Variants in YARS1 observed in about 807,000 individuals in gnomAD.
YARS1 encodes tyrosine--tRNA ligase, cytoplasmic.
In YARS1, 36 loss-of-function variants were observed where a neutral mutation model predicts 62.2. The ratio of observed to expected loss-of-function variants is 0.58; its 90% CI spans 0.44 to 0.76. The LOEUF (loss-of-function observed/expected upper bound fraction) is 0.76, where lower values mean the gene tolerates loss of function less well. YARS1 is among the 30% of genes least tolerant of loss of function. The pLI, the probability that YARS1 is intolerant of heterozygous loss-of-function variation, is 0.00. For synonymous variants in YARS1, 234 were observed against 244.9 expected, an observed-to-expected ratio of 0.96 and a Z score of 0.42; for missense variants, 524 against 639.8, an observed-to-expected ratio of 0.82 and a Z score of 1.95.
At chr1:32,803,052 G>A (rs550071988) in intron 4 of YARS1, among the ~76,000 whole-genome samples, 9 of 148,130 alleles carry the variant, frequency 6.1e-5, no homozygotes, top group Non-Finnish European at 1.0e-4. Context: ...GTGCGATCTC[G>A]GCTTACTGCA....
At chr1:32,802,675 A>T (rs1638329083) in intron 4 of YARS1, among the ~76,000 whole-genome samples, 1 of 152,200 alleles carries the variant, frequency 6.6e-6, no homozygotes, top group Non-Finnish European at 1.5e-5. Flanking sequence ...AATGAGCAGT[A>T]ATGTTTTGAA....
In YARS1 at chr1:32,778,562, G is replaced by A. The variant is rs866213127; in HGVS notation, c.1476+820C>T. 2.7e-5 allele frequency among the ~76,000 whole-genome samples: 4 copies of A among 150,608 alleles called. No individual in the cohort carries two copies. In the South Asian group the frequency reaches 6.3e-4, roughly 24 times the overall value. The stretch of plus-strand genomic sequence containing the variant: ...GCTGGGACTACAGGTGTCTGCCACC[G>A]CGCCCGGCCGATTTTTTTCTATTTT... On this transcript the variant is annotated intron_variant, in intron 12 of 12. Coordinates refer to ENST00000373477, the MANE Select transcript of YARS1 (RefSeq NM_003680.4).
chr1:32,787,779 G>T (rs1003540656), intron 6 of YARS1, among the ~76,000 whole-genome samples: 1 of 152,192 alleles, frequency 6.6e-6, no homozygotes, highest in East Asian at 1.9e-4. Context: ...CTCTCAAAGT[G>T]CTGGGATTAC....
At chr1:32,796,952 C>T (rs1184912764) in intron 5 of YARS1, among the ~76,000 whole-genome samples, 2 of 63,182 alleles carry the variant, frequency 3.2e-5, no homozygotes, top group Non-Finnish European at 5.7e-5. Flanking sequence ...GTGACAATAG[C>T]GAAACTCAGT....
chr1:32,813,507 A>G (rs1241482524), intron 1 of YARS1, among the ~76,000 whole-genome samples: 2 of 152,156 alleles, frequency 1.3e-5, no homozygotes, highest in Non-Finnish European at 1.5e-5. Flanking sequence ...TTTAGTAGAG[A>G]TGGGGTTTCA....
chr1:32,779,606 C>T lies in YARS1; in HGVS notation c.1335-83G>A, dbSNP rs1652989131. ...GAGGCCAAAGCAATCCGGGCCTTTA[C>T]ACAGGGGCCCTGATGGGATTTAGGG... On this transcript the variant is annotated intron_variant, in intron 11 of 12. Transcript: ENST00000373477. 61 of 1,581,466 alleles carry T rather than the reference C, an allele frequency of 3.9e-5. 1 individual carries two copies. In the South Asian group the frequency reaches 6.7e-4, roughly 17 times the overall value.
chr1:32,801,368 A>C (rs1638288965), intron 4 of YARS1, among the ~76,000 whole-genome samples: 1 of 152,212 alleles, frequency 6.6e-6, no homozygotes, highest in Non-Finnish European at 1.5e-5. Flanking sequence ...ACTATACCGT[A>C]GTCTATTTAA....
chr1:32,812,373 GACAAA>G lies in YARS1; in HGVS notation c.58-1321_58-1317del, dbSNP rs1569780847. Among the ~76,000 whole-genome samples the G allele has an allele frequency of 2.6e-5, 4 of 152,306 alleles. No individual in the cohort carries two copies. The East Asian group carries it at 7.7e-4, about 29-fold the overall frequency. On this transcript the variant is annotated intron_variant, in intron 1 of 12. Coordinates refer to ENST00000373477, the MANE Select transcript of YARS1 (RefSeq NM_003680.4). ...ACATTAAAACACAGATAGTAAGACT[GACAAA>G]ACAAACTCTCTGTAGCAATAAGATA...
intron 12 of YARS1, among the ~76,000 whole-genome samples, chr1:32,778,572 G>A (rs945506817): frequency 1.9e-4 from 29 of 150,308 alleles, no homozygotes; most frequent in African/African-American, 6.4e-4. Flanking sequence ...GCGCCCGGCC[G>A]ATTTTTTTCT....
At chr1:32,804,594 C>A (rs1028929535) in intron 4 of YARS1, among the ~76,000 whole-genome samples, 1 of 142,848 alleles carries the variant, frequency 7.0e-6, no homozygotes, top group Non-Finnish European at 1.5e-5. Flanking sequence ...GTTCCCAGAC[C>A]GGGTCGCGGC....
chr1:32,786,251 C>T, intron 8 of YARS1, 111 bp downstream of exon 8: 1 of 1,071,522 alleles, frequency 9.3e-7, no homozygotes, highest in Non-Finnish European at 1.4e-6. Flanking sequence ...GCAAAAATAG[C>T]AGGCAGCTCA....
Position 32,775,886 on chromosome 1 carries a change from G to GCTTACCA in YARS1, c.*94_*95insTGGTAAG. Reference sequence around the variant, plus strand: ...AAGAGTCCAAACCCGCTGCTTCCGTGTCCTGAGAGATGGGTAAATGGGTGA... The same window carrying GCTTACCA: ...AAGAGTCCAAACCCGCTGCTTCCGTGCTTACCATCCTGAGAGATGGGTAAATGGGTGA... On this transcript the variant is annotated 3_prime_UTR_variant, in exon 13 of 13. Coordinates refer to ENST00000373477, the MANE Select transcript of YARS1 (RefSeq NM_003680.4). 8.4e-7 allele frequency: 1 copy of GCTTACCA among 1,185,402 alleles called. No individual in the cohort carries two copies. The highest frequency in any genetic ancestry group is 2.4e-5 in the East Asian group (1 of 41,802). The allele number at this position is 1,185,402 out of a possible 1,614,324, so 73.4% of individuals were successfully genotyped here.
At chr1:32,790,056 G>A (rs1410877120) in intron 6 of YARS1, among the ~76,000 whole-genome samples, 2 of 143,150 alleles carry the variant, frequency 1.4e-5, no homozygotes, top group Non-Finnish European at 3.0e-5. Context: ...GCTAATTTTT[G>A]TACTTTTAGT....
At chr1:32,806,709 T>A (rs564422320) in intron 3 of YARS1, 98 bp from the exon 4 acceptor site, 8 of 1,488,198 alleles carry the variant, frequency 5.4e-6, no homozygotes, top group Admixed American at 3.5e-5. Flanking sequence ...CTAACCTTAG[T>A]GTAACCAGGG....
chr1:32,787,113 G>C (rs1653255161), intron 6 of YARS1, 38 bp from the exon 7 acceptor site: 1 of 1,612,986 alleles, frequency 6.2e-7, no homozygotes, highest in African/African-American at 1.3e-5. Flanking sequence ...TCTTGTGGTT[G>C]AAAATGAGAA....
Position 32,794,075 on chromosome 1 carries a change from C to T in YARS1, c.592-2821G>A, listed in dbSNP as rs76313514. Among the ~76,000 whole-genome samples, 643 of 152,238 alleles carry T rather than the reference C, an allele frequency of 4.2e-3. 5 individuals carry two copies. The highest frequency in any genetic ancestry group is 0.014 in the African/African-American group (580 of 41,540). On this transcript the variant is annotated intron_variant, in intron 5 of 12. Transcript: ENST00000373477. The stretch of plus-strand genomic sequence containing the variant: ...ACTTAAAAAACAATTACAGGCTGGG[C>T]GCAGTGGCTTACGCCTGTAATCCCA...
Position 32,791,226 on chromosome 1 carries a change from C to T in YARS1, c.620G>A (p.Arg207Gln), listed in dbSNP as rs371267865. 54 of 1,613,920 alleles carry T rather than the reference C, an allele frequency of 3.3e-5. No individual in the cohort carries two copies. The highest frequency in any genetic ancestry group is 4.4e-5 in the Non-Finnish European group (52 of 1,179,992). ...KYLPALGYSK[R>Q]VHLMNPMVPG... The stretch of plus-strand genomic sequence containing the variant: ...AACCATAGGATTCATCAGATGGACC[C>T]GTTTTGAATAGCCAAGTGCAGGGAG... The change falls in exon 6 of 13, where the codon CGG becomes CAG. Residue 207 changes from arginine to glutamine, a missense_variant. Arg to Gln is a conservative substitution (Grantham distance 43, BLOSUM62 1). Coordinates refer to ENST00000373477, the MANE Select transcript of YARS1 (RefSeq NM_003680.4).
At chr1:32,789,277 A>G (rs1039321077) in intron 6 of YARS1, among the ~76,000 whole-genome samples, 3 of 152,200 alleles carry the variant, frequency 2.0e-5, no homozygotes, top group Non-Finnish European at 2.9e-5. Context: ...CTCTAGAATC[A>G]TTTCCTTAAG....
chr1:32,802,805 G>A (rs1384336864), intron 4 of YARS1, among the ~76,000 whole-genome samples: 1 of 152,088 alleles, frequency 6.6e-6, no homozygotes, highest in Non-Finnish European at 1.5e-5. Context: ...AGCTCAGGCA[G>A]AGTAGACTTA....
Sources: gnomAD v4.1 joint callset for allele counts (sites outside exome capture counted in the v4.1 genomes callset) on GRCh38, gnomAD v4.1.1 for gene constraint, MANE v1.5 for transcripts, NCBI Gene and HGNC (gene_info 2026-07-23, HGNC 2026-07-21) for gene names.